Variants in NOTCH2NLA observed in about 807,000 individuals in gnomAD.
NOTCH2NLA encodes notch homolog 2 N-terminal-like protein A.
In NOTCH2NLA at chr1:146,158,339, C is replaced by T. The variant is rs1553803361; in HGVS notation, c.299-1524G>A. On this transcript the variant is annotated intron_variant, in intron 3 of 4. Transcript: ENST00000362074. ...CGTCCCACCACCCCACGACAGGCCC[C>T]GGTTTGTGATGTTCCCCTTCCTGTG... Among the ~76,000 whole-genome samples the T allele has an allele frequency of 4.7e-5, 7 of 149,350 alleles. No individual in the cohort carries two copies. In the South Asian group the frequency reaches 6.6e-4, roughly 14 times the overall value.
chr1:146,188,410 GA>G (rs56322612), intron 2 of NOTCH2NLA, among the ~76,000 whole-genome samples: 1 of 83,426 alleles, frequency 1.2e-5, no homozygotes. Flanking sequence ...GGAGAAAAAG[GA>G]AAAAAAAATG....
At chr1:146,175,291 AAG>A (rs1412660276) in intron 2 of NOTCH2NLA, among the ~76,000 whole-genome samples, 10 of 137,998 alleles carry the variant, frequency 7.2e-5, no homozygotes, top group Non-Finnish European at 1.3e-4. Context: ...CTTCCTGGTA[AAG>A]AGGGGAAAAA....
At chr1:146,203,886 A>C (rs1261110936) in intron 1 of NOTCH2NLA, among the ~76,000 whole-genome samples, 1 of 144,592 alleles carries the variant, frequency 6.9e-6, no homozygotes. Flanking sequence ...ACCTTATTCC[A>C]TGTCCATACC....
chr1:146,171,971 T>G (rs1302103073), intron 2 of NOTCH2NLA, among the ~76,000 whole-genome samples: 5 of 140,220 alleles, frequency 3.6e-5, no homozygotes, highest in Non-Finnish European at 6.3e-5. Context: ...TTTCCTTGAT[T>G]GAGACAACTT....
intron 1 of NOTCH2NLA, among the ~76,000 whole-genome samples, chr1:146,219,822 T>TAA (rs1283448119): frequency 1.1e-5 from 1 of 94,818 alleles, no homozygotes; most frequent in Non-Finnish European, 2.0e-5. Flanking sequence ...TATATATATA[T>TAA]AAATAAATCA....
rs1553813674 is a variant in NOTCH2NLA at position 146,200,438 on chromosome 1, A to AAT, written c.-44-11059_-44-11058dup. 6.6e-4 allele frequency among the ~76,000 whole-genome samples: 13 copies of AAT among 19,840 alleles called. 2 individuals are homozygous for AAT. The highest frequency in any genetic ancestry group is 9.3e-4 in the Non-Finnish European group (10 of 10,760). The allele number at this position is 19,840 out of a possible 152,430, so 13.0% of individuals were successfully genotyped here. A position where few individuals can be genotyped will look rare whatever the true frequency, so the allele number is the denominator to read the frequency against. On this transcript the variant is annotated intron_variant, in intron 1 of 4. Coordinates refer to ENST00000362074, the Ensembl canonical transcript of NOTCH2NLA. ...ACTCTGCCTGAGAAAAAAAAAAAAA[A>AAT]ATATATATATATATATATATTCCTG... is the stretch of plus-strand genomic sequence containing the variant.
chr1:146,224,185 CAATGAAAA>C (rs1205575385), intron 1 of NOTCH2NLA, among the ~76,000 whole-genome samples: 3 of 113,672 alleles, frequency 2.6e-5, no homozygotes, highest in Non-Finnish European at 5.5e-5. Context: ...ATATCCAACT[CAATGAAAA>C]AAATCTCAAA....
chr1:146,176,946 A>T lies in NOTCH2NLA; in HGVS notation c.39-11936T>A, dbSNP rs113019020. Among the ~76,000 whole-genome samples the T allele has an allele frequency of 3.3e-5, 3 of 91,958 alleles. No individual in the cohort carries two copies. In the East Asian group the frequency reaches 6.7e-4, roughly 20 times the overall value. 60.3% of individuals were successfully genotyped at this position (91,958 alleles called of 152,430 possible). Reference sequence around the variant, plus strand: ...TTCAGTGCAGAAGCAAAAGGTCAAAATGAAGGGCTCTGTGGAATCTTTACC... The same window carrying T: ...TTCAGTGCAGAAGCAAAAGGTCAAATTGAAGGGCTCTGTGGAATCTTTACC... On this transcript the variant is annotated intron_variant, in intron 2 of 4. Transcript: ENST00000362074.
At chr1:146,179,821 AC>A (rs1277677498) in intron 2 of NOTCH2NLA, among the ~76,000 whole-genome samples, 2 of 118,718 alleles carry the variant, frequency 1.7e-5, no homozygotes, top group Non-Finnish European at 4.0e-5. Context: ...GTGCCCCTAC[AC>A]TGGGATATTA....
intron 2 of NOTCH2NLA, among the ~76,000 whole-genome samples, chr1:146,186,221 C>T (rs1305841605): frequency 7.3e-6 from 1 of 136,558 alleles, no homozygotes; most frequent in African/African-American, 2.5e-5. Flanking sequence ...CAAATTTTTT[C>T]TTTCTCTCAA....
In NOTCH2NLA at chr1:146,200,438, AAT is replaced by A. The variant is rs1553813674; in HGVS notation, c.-44-11059_-44-11058del. Among the ~76,000 whole-genome samples, 16 of 19,846 alleles carry A rather than the reference AAT, an allele frequency of 8.1e-4. 3 individuals carry two copies. The South Asian group carries it at 0.012, about 15-fold the overall frequency. The allele number at this position is 19,846 out of a possible 152,430, so 13.0% of individuals were successfully genotyped here. A position where few individuals can be genotyped will look rare whatever the true frequency, so the allele number is the denominator to read the frequency against. ...ACTCTGCCTGAGAAAAAAAAAAAAA[AAT>A]ATATATATATATATATATTCCTGAA... On this transcript the variant is annotated intron_variant, in intron 1 of 4. Coordinates refer to ENST00000362074, the Ensembl canonical transcript of NOTCH2NLA.
intron 2 of NOTCH2NLA, among the ~76,000 whole-genome samples, chr1:146,187,333 A>G (rs1455621354): frequency 3.0e-5 from 4 of 132,298 alleles, no homozygotes; most frequent in Non-Finnish European, 7.0e-5. Context: ...GTGCTGAAGT[A>G]AACACACATG....
At chr1:146,179,577 C>A (rs1662436000) in intron 2 of NOTCH2NLA, among the ~76,000 whole-genome samples, 1 of 143,548 alleles carries the variant, frequency 7.0e-6, no homozygotes, top group African/African-American at 2.4e-5. Flanking sequence ...ACGTTTGAAA[C>A]CGTGTCATTA....
intron 2 of NOTCH2NLA, among the ~76,000 whole-genome samples, chr1:146,186,260 A>G (rs1553810167): frequency 7.4e-6 from 1 of 135,652 alleles, no homozygotes; most frequent in African/African-American, 2.5e-5. Flanking sequence ...AACAGGAAAG[A>G]CATCTGAGGG....
intron 3 of NOTCH2NLA, among the ~76,000 whole-genome samples, chr1:146,158,090 C>T (rs1661253857): frequency 6.6e-6 from 1 of 151,336 alleles, no homozygotes; most frequent in Admixed American, 6.6e-5. Flanking sequence ...TTGGTATTCA[C>T]ATGGCTGGCT....
At chr1:146,195,051 C>G (rs1663111445) in intron 1 of NOTCH2NLA, among the ~76,000 whole-genome samples, 1 of 109,574 alleles carries the variant, frequency 9.1e-6, no homozygotes, top group South Asian at 3.1e-4. Flanking sequence ...CCACCCCCCC[C>G]CATCCTTGTA....
intron 2 of NOTCH2NLA, among the ~76,000 whole-genome samples, chr1:146,171,408 G>T (rs1457109684): frequency 7.1e-6 from 1 of 140,852 alleles, no homozygotes; most frequent in African/African-American, 2.5e-5. Flanking sequence ...TCCAGCCTGG[G>T]CAACAGAGCG....
At chr1:146,186,897 C>T (rs1391508788) in intron 2 of NOTCH2NLA, among the ~76,000 whole-genome samples, 1 of 135,514 alleles carries the variant, frequency 7.4e-6, no homozygotes, top group African/African-American at 2.5e-5. Flanking sequence ...TTTTGGGATA[C>T]ATGTGCAGAA....
At chr1:146,186,929 C>T (rs2746801) in intron 2 of NOTCH2NLA, among the ~76,000 whole-genome samples, 13 of 134,870 alleles carry the variant, frequency 9.6e-5, no homozygotes, top group Admixed American at 4.6e-4. Context: ...GTTTCATAGG[C>T]ATACATGTGC....
Sources: gnomAD v4.1 joint callset for allele counts (sites outside exome capture counted in the v4.1 genomes callset) on GRCh38, gnomAD v4.1.1 for gene constraint, MANE v1.5 for transcripts, NCBI Gene and HGNC (gene_info 2026-07-23, HGNC 2026-07-21) for gene names.